Variants in SMC5 observed in about 807,000 individuals in gnomAD.
SMC5 encodes structural maintenance of chromosomes protein 5.
SMC5 carries 88 observed loss-of-function variants against 148.3 expected under a neutral mutation model. The ratio of observed to expected loss-of-function variants is 0.59; its 90% confidence interval spans 0.50 to 0.71. The LOEUF is 0.71. Among genes scored for constraint, SMC5 ranks in the 30% least tolerant of loss-of-function variants. The pLI, the probability that SMC5 is intolerant of heterozygous loss-of-function variation, is 0.00. For missense variants in SMC5, 1,142 were observed against 1,298.9 expected (o/e 0.88, Z 1.86); for synonymous variants, 421 against 432.8 (o/e 0.97, Z 0.34).
chr9:70,325,580 A>C (rs1419616235), intron 17 of SMC5, among the ~76,000 whole-genome samples: 2 of 152,122 alleles, frequency 1.3e-5, no homozygotes, highest in Non-Finnish European at 2.9e-5. Flanking sequence ...ACTAACTGAT[A>C]CTCCTTTGCA....
intron 1 of SMC5, among the ~76,000 whole-genome samples, chr9:70,260,684 T>G (rs564897790): frequency 2.6e-5 from 4 of 152,244 alleles, no homozygotes; most frequent in African/African-American, 7.2e-5. Context: ...ACAACATATA[T>G]CAGGATCCTT....
chr9:70,287,822 G>T (rs1268728540), intron 8 of SMC5, among the ~76,000 whole-genome samples: 1 of 151,940 alleles, frequency 6.6e-6, no homozygotes. Context: ...CTAGTCCTAA[G>T]AATTTCTGGG....
rs745320579 is a variant in SMC5 at position 70,282,371 on chromosome 9, G to A, written c.820-51G>A. 5 of 1,505,170 alleles carry A rather than the reference G, an allele frequency of 3.3e-6. No individual in the cohort carries two copies. In the Admixed American group the frequency reaches 9.6e-5, roughly 29 times the overall value. The allele number at this position is 1,505,170 out of a possible 1,614,324, so 93.2% of individuals were successfully genotyped here. ...GCCTGTATCTTGATTTTTAGTATAT[G>A]TGTTAGTTTAAGGTAGGGCATTAAC... On this transcript the variant is annotated intron_variant, in intron 6 of 24. Transcript: ENST00000361138.
intron 17 of SMC5, among the ~76,000 whole-genome samples, chr9:70,332,468 A>G (rs929217444): frequency 6.6e-6 from 1 of 150,916 alleles, no homozygotes; most frequent in Non-Finnish European, 1.5e-5. Flanking sequence ...AGGCCACACT[A>G]AGGTGTGATT....
At position 70,323,523 on chromosome 9, in the gene SMC5, G is replaced by A; in HGVS notation, c.2191G>A (p.Glu731Lys). 1.2e-6 allele frequency: 2 copies of A among 1,612,000 alleles called. No homozygotes were observed. Among genetic ancestry groups the A allele is most frequent in the Non-Finnish European group, 8.5e-7 (1 of 1,179,518 alleles). The change falls in exon 16 of 25, where the codon GAA becomes AAA. Residue 731 changes from glutamate to lysine, a missense_variant. Coordinates refer to ENST00000361138, the MANE Select transcript of SMC5 (RefSeq NM_015110.4). ...MEQDTCNLEE[E>K]ERKASTKIKE... ...ACAGGATACTTGCAATCTTGAAGAG[G>A]AAGAGCGAAAAGCAAGTACCAAAAT...
At chr9:70,315,106 T>C (rs142894576) in intron 12 of SMC5, among the ~76,000 whole-genome samples, 16 of 152,064 alleles carry the variant, frequency 1.1e-4, no homozygotes, top group African/African-American at 3.1e-4. Context: ...TGATAAATTA[T>C]CCCTTCATAA....
At chr9:70,346,902 A>G (rs1043653642) in intron 19 of SMC5, among the ~76,000 whole-genome samples, 164 bp from the exon 20 acceptor site, 1 of 152,194 alleles carries the variant, frequency 6.6e-6, no homozygotes, top group Admixed American at 6.5e-5. Context: ...TTTAAAGTAC[A>G]AGCTTTTGAA....
intron 17 of SMC5, among the ~76,000 whole-genome samples, chr9:70,343,147 CTT>C (rs11438728): frequency 1.6e-4 from 23 of 141,520 alleles, no homozygotes; most frequent in Middle Eastern, 3.4e-3. Context: ...CTTTCAGTCT[CTT>C]TTTTTTTTTT....
At chr9:70,328,655 G>A (rs56059804) in intron 17 of SMC5, among the ~76,000 whole-genome samples, 32,755 of 152,132 alleles carry the variant, frequency 0.22, 3,668 homozygotes, top group South Asian at 0.28. Context: ...GGCACACGGT[G>A]CAAGCTGTCA....
chr9:70,344,014 G>C, intron 17 of SMC5, 130 bp from the exon 18 acceptor site: 1 of 531,028 alleles, frequency 1.9e-6, no homozygotes, highest in Non-Finnish European at 3.0e-6. Flanking sequence ...CATTATTTAA[G>C]AAACAGTTTC....
At chr9:70,317,813 A>G (rs1391620358) in intron 13 of SMC5, among the ~76,000 whole-genome samples, 1 of 152,240 alleles carries the variant, frequency 6.6e-6, no homozygotes, top group African/African-American at 2.4e-5. Flanking sequence ...AGGCTTTGAA[A>G]TCTATGAAAA....
intron 7 of SMC5, among the ~76,000 whole-genome samples, chr9:70,284,191 A>G (rs2034834076): frequency 6.6e-6 from 1 of 152,234 alleles, no homozygotes; most frequent in South Asian, 2.1e-4. Flanking sequence ...CTTAATTCTA[A>G]TACAGGTTAA....
intron 3 of SMC5, among the ~76,000 whole-genome samples, chr9:70,276,659 T>C (rs188911134): frequency 6.6e-6 from 1 of 152,328 alleles, no homozygotes; most frequent in East Asian, 1.9e-4. Context: ...CACATGCTGC[T>C]GAATCCCAGT....
intron 2 of SMC5, among the ~76,000 whole-genome samples, chr9:70,266,435 T>G (rs1046392679): frequency 6.6e-6 from 1 of 152,318 alleles, no homozygotes; most frequent in Non-Finnish European, 1.5e-5. Context: ...AATATTGATA[T>G]ATAGTTTTTT....
intron 17 of SMC5, among the ~76,000 whole-genome samples, chr9:70,341,821 G>T (rs2036532261): frequency 6.6e-6 from 1 of 152,046 alleles, no homozygotes; most frequent in African/African-American, 2.4e-5. Flanking sequence ...CATTGTGGAA[G>T]ACAGTGTGGC....
At position 70,270,117 on chromosome 9, in the gene SMC5, A is replaced by C. The variant is rs1259777071; in HGVS notation, c.380+2142A>C. ...AGGACTGCCCTCCACTTTATATGCC[A>C]TTTGTAAGTCTTAGGTTGTGCCCTG... On this transcript the variant is annotated intron_variant, in intron 3 of 24. Transcript: ENST00000361138. 3.9e-5 allele frequency among the ~76,000 whole-genome samples: 6 copies of C among 152,228 alleles called. No individual in the cohort carries two copies. In the East Asian group the frequency reaches 1.2e-3, roughly 30 times the overall value.
At chr9:70,313,941 T>C (rs936633174) in intron 11 of SMC5, among the ~76,000 whole-genome samples, 3 of 152,182 alleles carry the variant, frequency 2.0e-5, no homozygotes, top group African/African-American at 7.2e-5. Flanking sequence ...TCTCAAGCAA[T>C]GGACAGCAAC....
chr9:70,342,955 TGTTAA>T (rs1232113133), intron 17 of SMC5, among the ~76,000 whole-genome samples: 1 of 152,206 alleles, frequency 6.6e-6, no homozygotes, highest in Admixed American at 6.5e-5. Flanking sequence ...CATTTAAGGC[TGTTAA>T]GTTGTCATAG....
At chr9:70,334,298 T>G (rs1011438832) in intron 17 of SMC5, among the ~76,000 whole-genome samples, 1 of 152,124 alleles carries the variant, frequency 6.6e-6, no homozygotes, top group Non-Finnish European at 1.5e-5. Context: ...GAGCTAAAAT[T>G]ATAAAACTTC....
Sources: gnomAD v4.1 joint callset for allele counts (sites outside exome capture counted in the v4.1 genomes callset) on GRCh38, gnomAD v4.1.1 for gene constraint, MANE v1.5 for transcripts, NCBI Gene and HGNC (gene_info 2026-07-23, HGNC 2026-07-21) for gene names.